The following SETBP1 variants were observed in gnomAD, a reference collection of about 807,000 sequenced individuals.
SETBP1 encodes the protein SET binding protein 1.
Under a neutral mutation model 101.0 loss-of-function variants are expected in SETBP1, and 9 were observed. The ratio of observed to expected loss-of-function variants is 0.09; its 90% CI spans 0.05 to 0.16. The LOEUF is 0.16. SETBP1 is among the 10% of genes least tolerant of loss of function. SETBP1 has a pLI of 1.00. For synonymous variants in SETBP1, 818 were observed against 788.5 expected (o/e 1.04, Z -0.63); for missense variants, 1,858 against 2,033.8 (o/e 0.91, Z 1.66).
chr18:44,787,861 A>AAAAAAAAAAAAAAATAAATAAAT (rs2071275561), intron 2 of SETBP1, among the ~76,000 whole-genome samples: 1 of 70,822 alleles, frequency 1.4e-5, no homozygotes, highest in African/African-American at 5.4e-5. Flanking sequence ...AGTCCGTCTC[A>AAAAAAAAAAAAAAATAAATAAAT]AAAAAAAAAA....
At chr18:44,702,755 T>A (rs2069139710) in intron 2 of SETBP1, among the ~76,000 whole-genome samples, 1 of 152,212 alleles carries the variant, frequency 6.6e-6, no homozygotes, top group African/African-American at 2.4e-5. Context: ...TAACTGAGAC[T>A]CTCACAGAGC....
chr18:44,725,936 G>A (rs1311425607), intron 2 of SETBP1, among the ~76,000 whole-genome samples: 1 of 152,152 alleles, frequency 6.6e-6, no homozygotes, highest in Non-Finnish European at 1.5e-5. Flanking sequence ...GGTGGTAATA[G>A]TGGCCAGGGG....
chr18:44,930,161 G>C (rs567653405), intron 3 of SETBP1, among the ~76,000 whole-genome samples: 1 of 152,250 alleles, frequency 6.6e-6, no homozygotes, highest in South Asian at 2.1e-4. Context: ...GTTGAATTTT[G>C]TCAAAGGCCT....
chr18:45,002,492 T>C (rs1322184670), intron 4 of SETBP1, among the ~76,000 whole-genome samples: 1 of 152,188 alleles, frequency 6.6e-6, no homozygotes, highest in Non-Finnish European at 1.5e-5. Context: ...TTTGGTGGTA[T>C]TAATGGTGGC....
At chr18:44,723,834 GC>G (rs1199505687) in intron 2 of SETBP1, among the ~76,000 whole-genome samples, 1 of 152,118 alleles carries the variant, frequency 6.6e-6, no homozygotes, top group East Asian at 1.9e-4. Flanking sequence ...TCACTGCCGG[GC>G]ATTTTGAGAA....
At chr18:44,929,967 A>C (rs2144983973) in intron 3 of SETBP1, among the ~76,000 whole-genome samples, 1 of 152,294 alleles carries the variant, frequency 6.6e-6, no homozygotes, top group East Asian at 1.9e-4. Context: ...AACTTCCAAC[A>C]CTGTGTTGAA....
At chr18:44,875,911 T>C (rs2069392599) in intron 3 of SETBP1, among the ~76,000 whole-genome samples, 2 of 152,196 alleles carry the variant, frequency 1.3e-5, no homozygotes, top group Non-Finnish European at 2.9e-5. Flanking sequence ...TGAATTAGAT[T>C]TGTCTCTACA....
At chr18:44,765,750 G>A (rs559115832) in intron 2 of SETBP1, among the ~76,000 whole-genome samples, 1 of 152,178 alleles carries the variant, frequency 6.6e-6, no homozygotes, top group Admixed American at 6.5e-5. Flanking sequence ...CTCAGCAGGA[G>A]AGGGAGAGCA....
At chr18:44,990,071 T>C (rs2072333140) in intron 4 of SETBP1, among the ~76,000 whole-genome samples, 1 of 151,694 alleles carries the variant, frequency 6.6e-6, no homozygotes, top group Non-Finnish European at 1.5e-5. Context: ...AAAAATAACT[T>C]GTGAAGCCAG....
chr18:44,982,521 G>A (rs1002880895), intron 4 of SETBP1, among the ~76,000 whole-genome samples: 2 of 152,178 alleles, frequency 1.3e-5, no homozygotes, highest in Non-Finnish European at 2.9e-5. Context: ...TTGTTGAAAA[G>A]CATATTCAAT....
chr18:44,816,946 T>C (rs528808112), intron 2 of SETBP1, among the ~76,000 whole-genome samples: 45 of 152,258 alleles, frequency 3.0e-4, no homozygotes, highest in African/African-American at 1.0e-3. Flanking sequence ...TTTAGGGAAA[T>C]TGACGATCTT....
At chr18:44,847,319 G>A (rs985900406) in intron 2 of SETBP1, among the ~76,000 whole-genome samples, 1 of 152,202 alleles carries the variant, frequency 6.6e-6, no homozygotes, top group Non-Finnish European at 1.5e-5. Flanking sequence ...AGTGCCTTAC[G>A]CAGTTCTGCC....
At chr18:44,716,891 A>T (rs554663378) in intron 2 of SETBP1, among the ~76,000 whole-genome samples, 1 of 152,328 alleles carries the variant, frequency 6.6e-6, no homozygotes, top group Non-Finnish European at 1.5e-5. Context: ...GGAACCCCTG[A>T]ATCATAGAGA....
chr18:44,922,158 T>C (rs549264241), intron 3 of SETBP1, among the ~76,000 whole-genome samples: 2 of 152,258 alleles, frequency 1.3e-5, no homozygotes, highest in East Asian at 3.9e-4. Context: ...TGCTTATAGA[T>C]TAGGATAGTA....
chr18:45,032,097 A>G (rs1051432840), intron 4 of SETBP1, among the ~76,000 whole-genome samples: 6 of 152,158 alleles, frequency 3.9e-5, no homozygotes, highest in Non-Finnish European at 7.3e-5. Context: ...ACCTGTGTGT[A>G]TCTTCCTGAG....
chr18:45,046,292 T>G (rs2073610718), intron 5 of SETBP1, among the ~76,000 whole-genome samples: 1 of 152,172 alleles, frequency 6.6e-6, no homozygotes, highest in African/African-American at 2.4e-5. Flanking sequence ...CTCAAGAGTG[T>G]ATGAACTCTA....
At chr18:44,789,727 G>C (rs373411498) in intron 2 of SETBP1, among the ~76,000 whole-genome samples, 1 of 152,190 alleles carries the variant, frequency 6.6e-6, no homozygotes, top group East Asian at 1.9e-4. Context: ...GAAGGGAGTA[G>C]GATGGATATT....
At position 44,952,905 on chromosome 18, in the gene SETBP1, C is replaced by A. The variant is rs1380272330; in HGVS notation, c.3565C>A (p.Arg1189=). The A allele has an allele frequency of 1.3e-5, 21 of 1,614,008 alleles. No homozygotes were observed. Among genetic ancestry groups the A allele is most frequent in the East Asian group, 2.2e-5 (1 of 44,892 alleles). The change falls in exon 4 of 6, where the codon CGG becomes AGG. Residue 1189 remains arginine, a synonymous_variant. Coordinates refer to ENST00000649279, the MANE Select transcript of SETBP1 (RefSeq NM_015559.3). ...TGFSSHILSE[R]LSSADKELPL... ...CTTCTCCAGCCACATCCTGAGCGAGCGGCTGAGTAGCGCAGACAAAGAGCT... is the reference window on the plus strand; with the variant it reads ...CTTCTCCAGCCACATCCTGAGCGAGAGGCTGAGTAGCGCAGACAAAGAGCT...
At chr18:44,737,915 A>G (rs1261072476) in intron 2 of SETBP1, among the ~76,000 whole-genome samples, 3 of 152,212 alleles carry the variant, frequency 2.0e-5, no homozygotes, top group Admixed American at 6.5e-5. Context: ...TGTACAACCT[A>G]TAAGTGAATT....
Sources: allele counts gnomAD v4.1 joint callset (sites outside exome capture counted in the v4.1 genomes callset), GRCh38; gene constraint gnomAD v4.1.1; transcripts MANE v1.5; gene names NCBI Gene and HGNC (gene_info 2026-07-23, HGNC 2026-07-21).